The following FTO variants were observed in gnomAD, a reference collection of about 807,000 sequenced individuals.
The protein encoded by FTO is FTO alpha-ketoglutarate dependent dioxygenase.
In FTO, 47 loss-of-function variants were observed where a neutral mutation model predicts 63.9. The observed-to-expected ratio is 0.74, with a 90% confidence interval of 0.58 to 0.94. The LOEUF is 0.94. Ranked by LOEUF, FTO falls within the 40% of genes least tolerant of loss-of-function variation. FTO has a pLI of 0.00. For synonymous variants in FTO, 207 were observed against 224.4 expected, an observed-to-expected ratio of 0.92 and a Z score of 0.69; for missense variants, 562 against 618.1, an observed-to-expected ratio of 0.91 and a Z score of 0.96.
intron 8 of FTO, among the ~76,000 whole-genome samples, chr16:53,950,233 A>G (rs867322566): frequency 6.7e-6 from 1 of 149,276 alleles, no homozygotes; most frequent in South Asian, 2.2e-4. Context: ...ATTATGAGGT[A>G]AAAAAACAGC....
At chr16:54,086,931 A>G (rs1296488446) in intron 8 of FTO, among the ~76,000 whole-genome samples, 2 of 152,194 alleles carry the variant, frequency 1.3e-5, no homozygotes, top group Non-Finnish European at 2.9e-5. Context: ...GCCGGCCCCC[A>G]TAAGGAAAAA....
Position 54,116,491 on chromosome 16 carries a change from TAA to T in FTO, c.*4577_*4578del, listed in dbSNP as rs2086975884. The stretch of plus-strand genomic sequence containing the variant: ...TCTGTGATTAAATGGTATTTTTAAT[TAA>T]GTTTCATTGGGAGCCATAGGTATCG... On this transcript the variant is annotated 3_prime_UTR_variant, in exon 9 of 9. Transcript: ENST00000471389. 1 of 152,140 alleles carries T rather than the reference TAA, an allele frequency of 6.6e-6. No individual in the cohort carries two copies. The highest frequency in any genetic ancestry group is 2.4e-5 in the African/African-American group (1 of 41,440). The allele number at this position is 152,140 out of a possible 1,614,324, so 9.4% of individuals were successfully genotyped here.
chr16:53,943,506 A>G (rs1010982275), intron 8 of FTO, among the ~76,000 whole-genome samples: 3 of 152,208 alleles, frequency 2.0e-5, no homozygotes, highest in Non-Finnish European at 4.4e-5. Context: ...ACATACATTT[A>G]TTAAGTGTCT....
At chr16:53,819,997 A>G (rs1340736488) in intron 2 of FTO, among the ~76,000 whole-genome samples, 1 of 145,380 alleles carries the variant, frequency 6.9e-6, no homozygotes, top group Non-Finnish European at 1.5e-5. Flanking sequence ...TACTAATGCT[A>G]TTTTCTTCTT....
At chr16:53,827,742 C>G (rs1249392521) in intron 3 of FTO, among the ~76,000 whole-genome samples, 1 of 152,138 alleles carries the variant, frequency 6.6e-6, no homozygotes, top group African/African-American at 2.4e-5. Flanking sequence ...TGATGCTGAC[C>G]TAAGAAAATC....
intron 4 of FTO, among the ~76,000 whole-genome samples, chr16:53,856,090 G>A (rs934540920): frequency 6.6e-6 from 1 of 151,146 alleles, no homozygotes; most frequent in African/African-American, 2.4e-5. Context: ...ATGAGCTATA[G>A]AAAATTTTTT....
chr16:54,072,891 T>C (rs1035815160), intron 8 of FTO, among the ~76,000 whole-genome samples: 1 of 152,226 alleles, frequency 6.6e-6, no homozygotes, highest in African/African-American at 2.4e-5. Flanking sequence ...CATCCCCTGC[T>C]ATTAAAAAAT....
At chr16:53,958,690 A>C (rs1367607095) in intron 8 of FTO, among the ~76,000 whole-genome samples, 1 of 152,258 alleles carries the variant, frequency 6.6e-6, no homozygotes, top group Non-Finnish European at 1.5e-5. Context: ...AATTGGCCAC[A>C]GGCTGGTGGC....
intron 1 of FTO, among the ~76,000 whole-genome samples, chr16:53,784,782 G>T (rs2077689479): frequency 6.6e-6 from 1 of 152,108 alleles, no homozygotes; most frequent in South Asian, 2.1e-4. Context: ...AAAAAAATTG[G>T]ACTATATTTG....
chr16:53,881,179 G>A (rs1344172442), intron 6 of FTO, among the ~76,000 whole-genome samples: 1 of 142,732 alleles, frequency 7.0e-6, no homozygotes, highest in Non-Finnish European at 1.5e-5. Context: ...AATTTTGGAG[G>A]GACATACACA....
At chr16:53,849,344 C>T (rs1277227455) in intron 4 of FTO, among the ~76,000 whole-genome samples, 1 of 152,206 alleles carries the variant, frequency 6.6e-6, no homozygotes, top group Non-Finnish European at 1.5e-5. Context: ...AGAGTGGGAA[C>T]TGGACCATGG....
chr16:53,894,836 T>C (rs1366659862), intron 7 of FTO, among the ~76,000 whole-genome samples: 1 of 152,154 alleles, frequency 6.6e-6, no homozygotes, highest in African/African-American at 2.4e-5. Context: ...CTTTTTTGAC[T>C]GGGGCAGTGC....
chr16:54,014,995 A>G (rs545225636), intron 8 of FTO, among the ~76,000 whole-genome samples: 3 of 150,606 alleles, frequency 2.0e-5, no homozygotes, highest in African/African-American at 7.4e-5. Context: ...AGCTAGGACT[A>G]TAGGTACACA....
At chr16:53,776,202 C>T (rs928799528) in intron 1 of FTO, among the ~76,000 whole-genome samples, 2 of 152,192 alleles carry the variant, frequency 1.3e-5, no homozygotes, top group Non-Finnish European at 2.9e-5. Context: ...CCCCGTTTGC[C>T]AGGCTGGATG....
chr16:53,878,440 A>G (rs897729995), intron 5 of FTO, among the ~76,000 whole-genome samples: 1 of 152,164 alleles, frequency 6.6e-6, no homozygotes, highest in African/African-American at 2.4e-5. Flanking sequence ...GGATCTTCAT[A>G]TTAAAATACA....
chr16:53,933,214 C>T (rs1220724681), intron 7 of FTO, among the ~76,000 whole-genome samples: 4 of 152,060 alleles, frequency 2.6e-5, no homozygotes, highest in African/African-American at 9.7e-5. Context: ...AATATATTGG[C>T]GTCTGTTAGA....
intron 1 of FTO, chr16:53,711,504 G>A (rs906439580): frequency 1.3e-5 from 5 of 398,438 alleles, no homozygotes; most frequent in East Asian, 3.6e-5. Context: ...GGGAGGACAC[G>A]GTAGCAAAGA....
chr16:53,796,016 A>T (rs1348142295), intron 1 of FTO, among the ~76,000 whole-genome samples: 1 of 151,772 alleles, frequency 6.6e-6, no homozygotes, highest in Non-Finnish European at 1.5e-5. Flanking sequence ...GTGAAACCAG[A>T]AGTAAGGTTT....
intron 8 of FTO, among the ~76,000 whole-genome samples, chr16:54,055,927 T>C (rs777857150): frequency 6.6e-6 from 1 of 152,222 alleles, no homozygotes; most frequent in South Asian, 2.1e-4. Flanking sequence ...TACAAAGTTA[T>C]TATTGTTCAA....
Sources: gnomAD v4.1 joint callset for allele counts (sites outside exome capture counted in the v4.1 genomes callset) on GRCh38, gnomAD v4.1.1 for gene constraint, MANE v1.5 for transcripts, NCBI Gene and HGNC (gene_info 2026-07-23, HGNC 2026-07-21) for gene names.